The following SI variants were observed in gnomAD, a reference collection of about 807,000 sequenced individuals.
The protein encoded by SI is sucrase-isomaltase.
In SI, 235 loss-of-function variants were observed where a neutral mutation model predicts 253.3. The observed-to-expected ratio is 0.93, with a 90% CI of 0.83 to 1.03. SI has a LOEUF of 1.03. SI is among the 50% of genes least tolerant of loss of function. The pLI, the probability that SI is intolerant of heterozygous loss-of-function variation, is 0.00. For missense variants in SI, 2,442 were observed against 2,211.1 expected (o/e 1.10, Z -2.09); for synonymous variants, 819 against 712.0 (o/e 1.15, Z -2.39).
intron 40 of SI, among the ~76,000 whole-genome samples, chr3:164,994,846 G>T (rs2108132037): frequency 6.6e-6 from 1 of 151,636 alleles, no homozygotes; most frequent in African/African-American, 2.4e-5. Flanking sequence ...ACAGATTATG[G>T]TACTAAAGAA....
intron 40 of SI, 61 bp from the exon 41 acceptor site, chr3:164,994,466 A>G (rs1717919739): frequency 1.9e-6 from 3 of 1,546,380 alleles, no homozygotes; most frequent in South Asian, 2.2e-5. Flanking sequence ...CATAATATTC[A>G]TATTCATATT....
intron 17 of SI, among the ~76,000 whole-genome samples, chr3:165,042,241 T>C (rs1267201561): frequency 6.6e-6 from 1 of 152,106 alleles, no homozygotes; most frequent in African/African-American, 2.4e-5. Context: ...TTTCGGTGTA[T>C]TAGGAAGAAA....
At chr3:164,985,359 C>T (rs1341372917) in intron 45 of SI, among the ~76,000 whole-genome samples, 1 of 152,094 alleles carries the variant, frequency 6.6e-6, no homozygotes, top group African/African-American at 2.4e-5. Context: ...AGGCTGAAAA[C>T]TTCATAGACC....
rs1332893268 is a variant in SI, at chr3:165,036,373, T to C, written c.2515+16A>G. On this transcript the variant is annotated intron_variant, in intron 22 of 47. Coordinates refer to ENST00000264382, the MANE Select transcript of SI (RefSeq NM_001041.4). ...TATCAGAGTGAACATTTAAAGCGTA[T>C]TACTTTCAGACTTACCTTTAGTTTC... is the stretch of plus-strand genomic sequence containing the variant. 1 of 1,568,324 alleles carries C rather than the reference T, an allele frequency of 6.4e-7. No homozygotes were observed. The highest frequency in any genetic ancestry group is 1.7e-5 in the Admixed American group (1 of 59,678).
the SI span, among the ~76,000 whole-genome samples, chr3:165,083,536 G>A: frequency 6.6e-6 from 1 of 151,918 alleles, no homozygotes; most frequent in Admixed American, 6.6e-5. Context: ...CTTCTGAATA[G>A]TAAATGAAAA....
chr3:165,060,805 T>G (rs774871734), intron 9 of SI, among the ~76,000 whole-genome samples: 22 of 147,544 alleles, frequency 1.5e-4, no homozygotes, highest in Non-Finnish European at 2.7e-4. Flanking sequence ...GTTTAGGCTT[T>G]TATATACATA....
chr3:165,025,932 C>T (rs545242212), intron 25 of SI, among the ~76,000 whole-genome samples: 5 of 150,524 alleles, frequency 3.3e-5, no homozygotes, highest in Admixed American at 6.7e-5. Flanking sequence ...AATAAAAAAA[C>T]AAGGTATACA....
rs1279138973 is a variant in SI at position 165,060,164 on chromosome 3, T to C, written c.1021-137A>G. The C allele has an allele frequency of 4.0e-6, 3 of 745,326 alleles. No individual in the cohort carries two copies. In the African/African-American group the frequency reaches 5.3e-5, roughly 13 times the overall value. The allele number at this position is 745,326 out of a possible 1,614,324, so 46.2% of individuals were successfully genotyped here. A position where few individuals can be genotyped will look rare whatever the true frequency, so the allele number is the denominator to read the frequency against. ...TTATATAATTTAAACAAACCTTTAG[T>C]GTTACCTGGATTCTAAACAATTTCC... On this transcript the variant is annotated intron_variant, in intron 9 of 47. Coordinates refer to ENST00000264382, the MANE Select transcript of SI (RefSeq NM_001041.4).
At chr3:165,068,573 C>T in intron 5 of SI, 149 bp downstream of exon 5, 2 of 683,862 alleles carry the variant, frequency 2.9e-6, no homozygotes, top group Non-Finnish European at 5.4e-6. Flanking sequence ...CGGGGTTTCA[C>T]CCTGTTAGCC....
At chr3:165,028,136 A>T (rs562325973) in intron 25 of SI, among the ~76,000 whole-genome samples, 1 of 151,606 alleles carries the variant, frequency 6.6e-6, no homozygotes, top group South Asian at 2.1e-4. Context: ...TCTTTTATAA[A>T]CCAAAAACAA....
Position 165,059,151 on chromosome 3 carries a change from G to T in SI, c.1278+17C>A, listed in dbSNP as rs1055932416. ...GTGTAAACACTAAAAATGTATTAAG[G>T]TATAATTGATTATTACCAAGATGAT... On this transcript the variant is annotated intron_variant, in intron 11 of 47. Coordinates refer to ENST00000264382, the MANE Select transcript of SI (RefSeq NM_001041.4). 3 of 1,611,850 alleles carry T rather than the reference G, an allele frequency of 1.9e-6. No homozygotes were observed. Among genetic ancestry groups the T allele is most frequent in the Non-Finnish European group, 2.5e-6 (3 of 1,178,794 alleles).
At chr3:164,996,479 T>A in intron 40 of SI, 56 bp downstream of exon 40, 1 of 948,960 alleles carries the variant, frequency 1.1e-6, no homozygotes, top group South Asian at 1.3e-5. Context: ...CACTAAAGTA[T>A]AATGAAGCAT....
chr3:165,067,287 C>A (rs1576920499), intron 6 of SI, 53 bp downstream of exon 6: 1 of 1,288,082 alleles, frequency 7.8e-7, no homozygotes, highest in Non-Finnish European at 1.1e-6. Context: ...TTAAGACTTT[C>A]CAATTCTATA....
At chr3:165,081,777 G>A (rs1226929117), upstream of SI, among the ~76,000 whole-genome samples, 1 of 151,976 alleles carries the variant, frequency 6.6e-6, no homozygotes, top group African/African-American at 2.4e-5. Flanking sequence ...TCTCCTAGAA[G>A]ACAGAAGCAG....
At chr3:164,997,927 G>A (rs1390656198) in intron 38 of SI, among the ~76,000 whole-genome samples, 1 of 151,666 alleles carries the variant, frequency 6.6e-6, no homozygotes, top group African/African-American at 2.4e-5. Flanking sequence ...TTGGTGAATA[G>A]CGAACTGGCG....
intron 36 of SI, among the ~76,000 whole-genome samples, chr3:165,007,216 G>A (rs981946167): frequency 2.0e-5 from 3 of 152,050 alleles, no homozygotes; most frequent in African/African-American, 7.2e-5. Context: ...CATTTAGATG[G>A]AAAACACTGA....
intron 34 of SI, among the ~76,000 whole-genome samples, chr3:165,011,770 A>T (rs906885852): frequency 6.8e-6 from 1 of 147,652 alleles, no homozygotes; most frequent in Admixed American, 6.8e-5. Context: ...TTATTTATTT[A>T]TTATTTATTA....
At chr3:165,088,849 C>T in the SI span, among the ~76,000 whole-genome samples, 1 of 151,630 alleles carries the variant, frequency 6.6e-6, no homozygotes, top group African/African-American at 2.4e-5. Context: ...TATTCCTGTA[C>T]ATAGATACTA....
chr3:165,062,747 G>A (rs901944584), intron 8 of SI, among the ~76,000 whole-genome samples: 1 of 151,976 alleles, frequency 6.6e-6, no homozygotes, highest in Non-Finnish European at 1.5e-5. Context: ...GTTGCAAAGG[G>A]TTAGTTGCAA....
Sources: gnomAD v4.1 joint callset for allele counts (sites outside exome capture counted in the v4.1 genomes callset) on GRCh38, gnomAD v4.1.1 for gene constraint, MANE v1.5 for transcripts, NCBI Gene and HGNC (gene_info 2026-07-23, HGNC 2026-07-21) for gene names.